Variants in VMA12 observed in about 807,000 individuals in gnomAD.
VMA12 encodes vacuolar ATPase assembly factor VMA12.
chr17:28,359,766 G>A, the VMA12 span, among the ~76,000 whole-genome samples: 139 of 152,122 alleles, frequency 9.1e-4, 2 homozygotes, highest in African/African-American at 3.2e-3. Context: ...TTAGCCTGGC[G>A]TGGTGGCGGG....
the VMA12 span, chr17:28,358,531 G>T: frequency 6.3e-6 from 3 of 476,522 alleles, no homozygotes; most frequent in Non-Finnish European, 1.3e-5. Context: ...TCAATTATTA[G>T]AACTAGAAAG....
chr17:28,359,280 A>G, the VMA12 span: 10 of 1,607,572 alleles, frequency 6.2e-6, no homozygotes, highest in South Asian at 1.1e-5. Context: ...ACAAGCTGGG[A>G]ATATCATTCT....
At chr17:28,358,295 G>GTTT in the VMA12 span, 14 of 422,742 alleles carry the variant, frequency 3.3e-5, no homozygotes, top group African/African-American at 2.9e-4. Flanking sequence ...TGTTTTGTTT[G>GTTT]TTTGTTTTTT....
chr17:28,362,201 A>G, the VMA12 span: 1 of 151,118 alleles, frequency 6.6e-6, no homozygotes, highest in African/African-American at 2.4e-5. Context: ...TTTTTTCCAA[A>G]GCACTTTTCT....
chr17:28,359,196 G>A, the VMA12 span: 27 of 1,081,280 alleles, frequency 2.5e-5, no homozygotes, highest in African/African-American at 2.4e-4. Flanking sequence ...CTGGAGTTAC[G>A]ACTAGTATGT....
chr17:28,359,341 G>A, the VMA12 span: 1 of 1,614,056 alleles, frequency 6.2e-7, no homozygotes, highest in East Asian at 2.2e-5. Context: ...CCCGGCTGGA[G>A]AAGATTAAGA....
the VMA12 span, chr17:28,363,101 C>T: frequency 6.6e-6 from 1 of 152,220 alleles, no homozygotes; most frequent in Non-Finnish European, 1.5e-5. Flanking sequence ...ATACCCCAAA[C>T]AGAGAGCAAA....
chr17:28,358,672 A>G, the VMA12 span, among the ~76,000 whole-genome samples: 1 of 152,262 alleles, frequency 6.6e-6, no homozygotes, highest in South Asian at 2.1e-4. Flanking sequence ...TAAATGGCTT[A>G]CTTGTTAGTT....
the VMA12 span, chr17:28,358,022 C>A: frequency 3.5e-6 from 3 of 869,182 alleles, no homozygotes; most frequent in East Asian, 2.7e-5. Context: ...CCAGGGCCAC[C>A]CACTTTCTTA....
chr17:28,361,437 G>A, the VMA12 span: 1 of 597,366 alleles, frequency 1.7e-6, no homozygotes, highest in Non-Finnish European at 3.0e-6. Context: ...GGGAGCATTG[G>A]AGGAGATTGA....
the VMA12 span, chr17:28,360,865 A>C: frequency 6.2e-7 from 1 of 1,605,650 alleles, no homozygotes; most frequent in Non-Finnish European, 8.5e-7. Context: ...GGCACTGGGC[A>C]GGGCAGGGTG....
At chr17:28,359,030 G>A in the VMA12 span, 8 of 1,536,500 alleles carry the variant, frequency 5.2e-6, no homozygotes, top group Non-Finnish European at 7.1e-6. Context: ...TATTGACTGA[G>A]TTGGGCTTAT....
the VMA12 span, chr17:28,360,770 A>G: frequency 6.2e-7 from 1 of 1,613,748 alleles, no homozygotes; most frequent in Admixed American, 1.7e-5. Context: ...CACCATCTTC[A>G]ATTTCATTGT....
At chr17:28,362,773 C>T in the VMA12 span, 1 of 152,210 alleles carries the variant, frequency 6.6e-6, no homozygotes, top group Non-Finnish European at 1.5e-5. Context: ...TGCTATTGCA[C>T]TCTAGCCTGG....
chr17:28,358,199 C>G, the VMA12 span: 2 of 418,216 alleles, frequency 4.8e-6, no homozygotes, highest in Non-Finnish European at 9.1e-6. Context: ...TTTTTCTCCA[C>G]TTTAGGAATC....
the VMA12 span, chr17:28,359,151 T>C: frequency 2.4e-5 from 24 of 984,088 alleles, no homozygotes; most frequent in Non-Finnish European, 3.4e-5. Flanking sequence ...GTTTGGAAAA[T>C]TGAGATCAAA....
At chr17:28,357,967 C>A in the VMA12 span, 46 of 1,398,618 alleles carry the variant, frequency 3.3e-5, no homozygotes, top group Non-Finnish European at 4.1e-5. Context: ...TCCCCTTCTT[C>A]TACGGAGCAC....
At chr17:28,360,680 A>G in the VMA12 span, 1 of 1,602,030 alleles carries the variant, frequency 6.2e-7, no homozygotes, top group East Asian at 2.2e-5. Context: ...ATGAGATAAG[A>G]GCACCTCCTA....
the VMA12 span, among the ~76,000 whole-genome samples, chr17:28,359,964 T>C: frequency 2.0e-5 from 3 of 151,990 alleles, no homozygotes; most frequent in African/African-American, 7.2e-5. Flanking sequence ...GGAGGCTTTT[T>C]TTCTTCTTCT....
Sources: gnomAD v4.1 joint callset for allele counts (sites outside exome capture counted in the v4.1 genomes callset) on GRCh38, gnomAD v4.1.1 for gene constraint, MANE v1.5 for transcripts, NCBI Gene and HGNC (gene_info 2026-07-23, HGNC 2026-07-21) for gene names.